CTNNA3: variants seen among roughly 807,000 people sequenced by gnomAD.
CTNNA3 encodes the protein catenin alpha 3.
Under a neutral mutation model 95.7 loss-of-function variants are expected in CTNNA3, and 76 were observed. That is an observed-to-expected ratio of 0.79 (90% CI 0.66 to 0.96). The LOEUF is 0.96. Among genes scored for constraint, CTNNA3 ranks in the 40% least tolerant of loss-of-function variants. The pLI is 0.00. For missense variants in CTNNA3, 1,191 were observed against 1,089.8 expected (o/e 1.09, Z -1.31); for synonymous variants, 431 against 374.4 (o/e 1.15, Z -1.74).
chr10:67,173,843 C>A (rs1168640300), intron 7 of CTNNA3, among the ~76,000 whole-genome samples: 1 of 152,154 alleles, frequency 6.6e-6, no homozygotes, highest in African/African-American at 2.4e-5. Flanking sequence ...GTAAAGGAAC[C>A]CACTTCTTGG....
In CTNNA3 at chr10:66,407,800, C is replaced by T. The variant is rs545948029; in HGVS notation, c.1532-28448G>A. Among the ~76,000 whole-genome samples the T allele has an allele frequency of 1.0e-3, 159 of 152,210 alleles. 1 individual carries two copies. The highest frequency in any genetic ancestry group is 3.4e-3 in the African/African-American group (141 of 41,534). On this transcript the variant is annotated intron_variant, in intron 11 of 17. Transcript: ENST00000433211. ...TTCACCATCTTGGCCAGGCTGGTCT[C>T]GATCTCCTGACCTTGCGATCCACCC...
At chr10:66,018,912 T>A (rs2079146631) in intron 15 of CTNNA3, among the ~76,000 whole-genome samples, 1 of 152,076 alleles carries the variant, frequency 6.6e-6, no homozygotes, top group Non-Finnish European at 1.5e-5. Context: ...GTGGGATATA[T>A]TTATTTTCTA....
At chr10:67,682,273 G>T (rs1459642920) in intron 1 of CTNNA3, among the ~76,000 whole-genome samples, 1 of 151,508 alleles carries the variant, frequency 6.6e-6, no homozygotes, top group East Asian at 1.9e-4. Flanking sequence ...CTTGCAGTGA[G>T]CTGAGATGGC....
intron 7 of CTNNA3, among the ~76,000 whole-genome samples, chr10:66,852,819 A>C (rs1217287391): frequency 2.0e-5 from 3 of 152,218 alleles, no homozygotes; most frequent in South Asian, 4.1e-4. Context: ...GAATTAAAAA[A>C]AACTTCACAC....
intron 3 of CTNNA3, among the ~76,000 whole-genome samples, chr10:67,595,857 T>G (rs1842919979): frequency 6.6e-6 from 1 of 152,236 alleles, no homozygotes; most frequent in African/African-American, 2.4e-5. Flanking sequence ...TCTTGTTGAA[T>G]TGAACCCTTT....
intron 12 of CTNNA3, among the ~76,000 whole-genome samples, chr10:66,292,485 G>A (rs2091699723): frequency 1.3e-5 from 2 of 152,120 alleles, no homozygotes; most frequent in Non-Finnish European, 2.9e-5. Context: ...TGAATTTCGT[G>A]TAGGTCTCTC....
intron 11 of CTNNA3, among the ~76,000 whole-genome samples, chr10:66,389,531 T>C (rs932077925): frequency 1.3e-5 from 2 of 152,050 alleles, no homozygotes; most frequent in Non-Finnish European, 2.9e-5. Context: ...TGATTTCTAT[T>C]TTGTTGGAAA....
intron 5 of CTNNA3, among the ~76,000 whole-genome samples, chr10:67,222,114 T>C (rs1007260658): frequency 1.3e-5 from 2 of 152,210 alleles, no homozygotes; most frequent in Admixed American, 6.5e-5. Flanking sequence ...TGCATGAGGT[T>C]AATAAATGGC....
At chr10:67,353,052 GT>G (rs1842689002) in intron 5 of CTNNA3, among the ~76,000 whole-genome samples, 1 of 152,010 alleles carries the variant, frequency 6.6e-6, no homozygotes, top group Non-Finnish European at 1.5e-5. Flanking sequence ...AATGGGAAAG[GT>G]TTTATAGCTA....
At chr10:66,399,422 A>G (rs2093003206) in intron 11 of CTNNA3, among the ~76,000 whole-genome samples, 1 of 151,970 alleles carries the variant, frequency 6.6e-6, no homozygotes, top group African/African-American at 2.4e-5. Context: ...AGCCTGAATG[A>G]TAAACATAAT....
At chr10:66,337,934 G>T (rs2092413785) in intron 12 of CTNNA3, among the ~76,000 whole-genome samples, 1 of 151,982 alleles carries the variant, frequency 6.6e-6, no homozygotes, top group South Asian at 2.1e-4. Flanking sequence ...ATGAAGCTAT[G>T]CATAGCCTAG....
intron 11 of CTNNA3, among the ~76,000 whole-genome samples, chr10:66,446,646 A>G (rs1192911472): frequency 1.3e-5 from 2 of 152,202 alleles, no homozygotes; most frequent in Non-Finnish European, 2.9e-5. Context: ...AAAAACTCTC[A>G]ATAAATTACG....
intron 7 of CTNNA3, among the ~76,000 whole-genome samples, chr10:67,144,757 A>C (rs1860760628): frequency 6.6e-6 from 1 of 152,202 alleles, no homozygotes; most frequent in African/African-American, 2.4e-5. Context: ...CTAAAACCTT[A>C]CATCAGCAAT....
intron 6 of CTNNA3, among the ~76,000 whole-genome samples, chr10:67,189,806 G>A (rs1863037523): frequency 6.6e-6 from 1 of 152,014 alleles, no homozygotes; most frequent in Admixed American, 6.6e-5. Flanking sequence ...GGTAGGGAAG[G>A]GATCTGTGAA....
At chr10:67,037,335 A>G (rs1438997807) in intron 7 of CTNNA3, among the ~76,000 whole-genome samples, 1 of 151,550 alleles carries the variant, frequency 6.6e-6, no homozygotes, top group African/African-American at 2.4e-5. Flanking sequence ...AGCAGTTACT[A>G]TGTGGCAACA....
intron 9 of CTNNA3, among the ~76,000 whole-genome samples, chr10:66,703,434 T>A (rs1202666330): frequency 2.0e-5 from 3 of 152,208 alleles, no homozygotes; most frequent in African/African-American, 2.4e-5. Context: ...GTATATGGCA[T>A]AAGCATTATT....
intron 7 of CTNNA3, among the ~76,000 whole-genome samples, chr10:66,870,768 C>T (rs1844366951): frequency 1.3e-5 from 2 of 152,108 alleles, no homozygotes; most frequent in African/African-American, 4.8e-5. Context: ...TGTAAATGTG[C>T]AGTTCAAATT....
At chr10:67,114,077 C>CAAAA (rs11454339) in intron 7 of CTNNA3, among the ~76,000 whole-genome samples, 1 of 136,242 alleles carries the variant, frequency 7.3e-6, no homozygotes, top group Non-Finnish European at 1.6e-5. Context: ...GGGGAGAACT[C>CAAAA]AAAAAAAAAA....
chr10:66,978,526 C>CAAAAAAAAA (rs1170594360), intron 7 of CTNNA3, among the ~76,000 whole-genome samples: 1 of 42,320 alleles, frequency 2.4e-5, no homozygotes, highest in African/African-American at 1.0e-4. Context: ...GACTCCATCT[C>CAAAAAAAAA]AAAAAAAAAA....
Sources: gnomAD v4.1 joint callset for allele counts (sites outside exome capture counted in the v4.1 genomes callset) on GRCh38, gnomAD v4.1.1 for gene constraint, MANE v1.5 for transcripts, NCBI Gene and HGNC (gene_info 2026-07-23, HGNC 2026-07-21) for gene names.